GRID1: variants seen among roughly 807,000 people sequenced by gnomAD.
GRID1 encodes the protein glutamate ionotropic receptor delta type subunit 1, also known as glutamate receptor ionotropic, delta-1.
In GRID1, 28 loss-of-function variants were observed where a neutral mutation model predicts 98.0. The ratio of observed to expected loss-of-function variants is 0.29; its 90% CI spans 0.21 to 0.39. GRID1 has a LOEUF of 0.39. Ranked by LOEUF, GRID1 falls within the 10% of genes least tolerant of loss-of-function variation. GRID1 has a pLI of 1.00. For missense variants in GRID1, 1,111 were observed against 1,340.5 expected (o/e 0.83, Z 2.67); for synonymous variants, 553 against 538.5 (o/e 1.03, Z -0.37).
At chr10:86,071,800 T>G (rs559186441) in intron 4 of GRID1, among the ~76,000 whole-genome samples, 67 of 152,154 alleles carry the variant, frequency 4.4e-4, no homozygotes, top group Non-Finnish European at 8.5e-4. Flanking sequence ...ATTTGGGATC[T>G]AGTAAAGGAG....
intron 3 of GRID1, among the ~76,000 whole-genome samples, chr10:86,196,346 C>T (rs1845872320): frequency 6.6e-6 from 1 of 151,928 alleles, no homozygotes; most frequent in Non-Finnish European, 1.5e-5. Context: ...CTGGGTACTG[C>T]GGAGGAGTAA....
intron 4 of GRID1, among the ~76,000 whole-genome samples, chr10:85,988,295 A>G (rs1366917730): frequency 6.6e-6 from 1 of 152,138 alleles, no homozygotes; most frequent in Non-Finnish European, 1.5e-5. Context: ...GCTTCATTGT[A>G]CTTTGTGTCC....
chr10:85,972,414 C>T (rs1842420186), intron 4 of GRID1, among the ~76,000 whole-genome samples: 2 of 146,930 alleles, frequency 1.4e-5, no homozygotes, highest in Admixed American at 1.4e-4. Context: ...GATTCCAGGG[C>T]CTTAGTCATG....
chr10:85,980,329 G>A (rs769212704), intron 4 of GRID1, among the ~76,000 whole-genome samples: 2 of 152,250 alleles, frequency 1.3e-5, no homozygotes, highest in Admixed American at 1.3e-4. Context: ...AGTGCTCAGT[G>A]TTTGTTAAGT....
intron 3 of GRID1, among the ~76,000 whole-genome samples, chr10:86,140,875 G>A (rs924178973): frequency 1.3e-5 from 2 of 152,138 alleles, no homozygotes; most frequent in East Asian, 1.9e-4. Context: ...CTGGGAGTAC[G>A]GGGAGCCCAC....
intron 4 of GRID1, among the ~76,000 whole-genome samples, chr10:86,098,492 G>A (rs1844252364): frequency 6.6e-6 from 1 of 152,138 alleles, no homozygotes; most frequent in Non-Finnish European, 1.5e-5. Context: ...TTATTCAGCT[G>A]TTTTGAACAA....
At chr10:85,776,189 T>G (rs1286655218) in intron 8 of GRID1, among the ~76,000 whole-genome samples, 1 of 152,160 alleles carries the variant, frequency 6.6e-6, no homozygotes, top group African/African-American at 2.4e-5. Context: ...GTAAGGCCTT[T>G]GCTGCTCCAA....
chr10:85,604,745 T>C (rs1323751176), intron 15 of GRID1, among the ~76,000 whole-genome samples: 1 of 152,236 alleles, frequency 6.6e-6, no homozygotes. Context: ...TGCTACTTTT[T>C]GTGTATTCTA....
At chr10:85,964,569 G>A (rs1246881540) in intron 4 of GRID1, among the ~76,000 whole-genome samples, 1 of 152,180 alleles carries the variant, frequency 6.6e-6, no homozygotes, top group African/African-American at 2.4e-5. Flanking sequence ...AAATGGTGTT[G>A]AGAAAACGGG....
chr10:85,627,026 T>C (rs538176291), intron 13 of GRID1, among the ~76,000 whole-genome samples: 2 of 152,178 alleles, frequency 1.3e-5, no homozygotes, highest in Non-Finnish European at 2.9e-5. Context: ...TAGTCAGAAG[T>C]TGGAAGCAAC....
intron 4 of GRID1, among the ~76,000 whole-genome samples, chr10:85,968,750 A>G (rs1842370897): frequency 6.6e-6 from 1 of 152,208 alleles, no homozygotes; most frequent in Non-Finnish European, 1.5e-5. Flanking sequence ...TAGAAAATAT[A>G]TATTGAATGC....
rs1052169610 is a variant in GRID1 at position 86,200,279 on chromosome 10, A to G, written c.520+6085T>C. Among the ~76,000 whole-genome samples the G allele has an allele frequency of 3.3e-5, 5 of 152,198 alleles. No homozygotes were observed. The East Asian group carries it at 9.7e-4, about 29-fold the overall frequency. On this transcript the variant is annotated intron_variant, in intron 3 of 15. Coordinates refer to ENST00000327946, the MANE Select transcript of GRID1 (RefSeq NM_017551.3). ...ACTACTCTTATTTAAGCACCTGCTT[A>G]AATGTCACCTCCTCCAGGAAGCTCT...
rs192299427 is a variant in GRID1, at chr10:85,865,529, G to A, written c.951+3481C>T. On this transcript the variant is annotated intron_variant, in intron 6 of 15. Transcript: ENST00000327946. ...AGAGCAGCCATTTGGTGGGGGGGAAGAAAGATGGACTGGAGAGCTCCATTT... is the reference window on the plus strand; with the variant it reads ...AGAGCAGCCATTTGGTGGGGGGGAAAAAAGATGGACTGGAGAGCTCCATTT... Among the ~76,000 whole-genome samples the A allele has an allele frequency of 3.9e-5, 6 of 152,274 alleles. No homozygotes were observed. In the East Asian group the frequency reaches 1.2e-3, roughly 29 times the overall value.
intron 4 of GRID1, among the ~76,000 whole-genome samples, chr10:86,137,676 A>C (rs1277605894): frequency 2.0e-5 from 3 of 152,188 alleles, no homozygotes; most frequent in Non-Finnish European, 4.4e-5. Flanking sequence ...CACTTCATAC[A>C]GGGCAACATG....
chr10:85,838,649 A>G (rs1229731637), intron 8 of GRID1, among the ~76,000 whole-genome samples: 1 of 152,204 alleles, frequency 6.6e-6, no homozygotes, highest in Admixed American at 6.5e-5. Context: ...CTCTTGAAGG[A>G]AGCACTAAAT....
chr10:85,773,489 G>A (rs1334123411), intron 8 of GRID1, among the ~76,000 whole-genome samples: 2 of 152,232 alleles, frequency 1.3e-5, no homozygotes, highest in Non-Finnish European at 2.9e-5. Flanking sequence ...TTAGGCAAGA[G>A]AAGGAAATAA....
intron 13 of GRID1, among the ~76,000 whole-genome samples, chr10:85,630,601 G>T (rs934999503): frequency 6.6e-6 from 1 of 152,108 alleles, no homozygotes; most frequent in African/African-American, 2.4e-5. Flanking sequence ...TTATAAAAAT[G>T]GAAGAGGGGC....
chr10:85,701,648 T>C (rs1841452351), intron 12 of GRID1, among the ~76,000 whole-genome samples: 1 of 152,186 alleles, frequency 6.6e-6, no homozygotes, highest in Admixed American at 6.6e-5. Context: ...TCAACCCACC[T>C]GTTTATGGAA....
rs183212564 is a variant in GRID1, at chr10:86,058,011, G to A, written c.726+80808C>T. Among the ~76,000 whole-genome samples the A allele has an allele frequency of 3.9e-4, 60 of 152,266 alleles. 1 individual carries two copies. The highest frequency in any genetic ancestry group is 1.4e-3 in the African/African-American group (57 of 41,542). ...GGAGGATCCATTGTGTCATAGGTTA[G>A]GTGTCCCCAGAAGCAGATCTTGGGA... On this transcript the variant is annotated intron_variant, in intron 4 of 15. Coordinates refer to ENST00000327946, the MANE Select transcript of GRID1 (RefSeq NM_017551.3).
Sources: gnomAD v4.1 joint callset for allele counts (sites outside exome capture counted in the v4.1 genomes callset) on GRCh38, gnomAD v4.1.1 for gene constraint, MANE v1.5 for transcripts, NCBI Gene and HGNC (gene_info 2026-07-23, HGNC 2026-07-21) for gene names.